Variants in AKAP13 observed in about 807,000 individuals in gnomAD.
AKAP13 encodes the protein A-kinase anchor protein 13.
In AKAP13, 80 loss-of-function variants were observed where a neutral mutation model predicts 264.5. The observed-to-expected ratio is 0.30, with a 90% CI of 0.25 to 0.36. AKAP13 has a LOEUF of 0.36. AKAP13 is among the 10% of genes least tolerant of loss of function. The pLI, the probability that AKAP13 is intolerant of heterozygous loss-of-function variation, is 1.00. For synonymous variants in AKAP13, 1,380 were observed against 1,250.2 expected, an observed-to-expected ratio of 1.10 and a Z score of -2.19; for missense variants, 3,712 against 3,435.2, an observed-to-expected ratio of 1.08 and a Z score of -2.01.
chr15:85,472,506 A>G (rs552416126), intron 1 of AKAP13, among the ~76,000 whole-genome samples: 4 of 152,162 alleles, frequency 2.6e-5, no homozygotes, highest in Admixed American at 6.5e-5. Flanking sequence ...TCTTTTTGAC[A>G]TTTTAAAAAA....
intron 1 of AKAP13, among the ~76,000 whole-genome samples, chr15:85,443,072 A>G (rs2073767303): frequency 6.6e-6 from 1 of 152,174 alleles, no homozygotes; most frequent in Non-Finnish European, 1.5e-5. Flanking sequence ...CTTAAGTATC[A>G]TTCAGTTAAA....
chr15:85,426,730 G>T (rs1224214905), intron 1 of AKAP13, among the ~76,000 whole-genome samples: 2 of 152,166 alleles, frequency 1.3e-5, no homozygotes, highest in Non-Finnish European at 2.9e-5. Context: ...AGTACAGAGA[G>T]ATTCTAGCCA....
intron 8 of AKAP13, among the ~76,000 whole-genome samples, chr15:85,586,457 G>C (rs2079354104): frequency 6.6e-6 from 1 of 152,058 alleles, no homozygotes; most frequent in African/African-American, 2.4e-5. Flanking sequence ...ACCTGCCTCA[G>C]CCTCCCAAAG....
At chr15:85,442,421 AAAAT>A (rs1191752683) in intron 1 of AKAP13, among the ~76,000 whole-genome samples, 16 of 114,768 alleles carry the variant, frequency 1.4e-4, no homozygotes, top group African/African-American at 5.0e-4. Context: ...AAAAAAAAAA[AAAAT>A]ATATATATAT....
rs1298413767 is a variant in AKAP13, at chr15:85,533,442, G to C, written c.182-142G>C. 13 of 691,050 alleles carry C rather than the reference G, an allele frequency of 1.9e-5. No individual in the cohort carries two copies. In the Admixed American group the frequency reaches 4.8e-4, roughly 26 times the overall value. The allele number at this position is 691,050 out of a possible 1,614,324, so 42.8% of individuals were successfully genotyped here. On this transcript the variant is annotated intron_variant, in intron 3 of 36. Coordinates refer to ENST00000394518, the MANE Select transcript of AKAP13 (RefSeq NM_007200.5). ...GTTTTAAGAAGTTTGGAAAAATGCT[G>C]TCAGAGCTCAAGAGGAAGGAGGGGG... is the stretch of plus-strand genomic sequence containing the variant.
intron 2 of AKAP13, among the ~76,000 whole-genome samples, chr15:85,502,085 G>C (rs867413317): frequency 1.3e-5 from 2 of 152,154 alleles, no homozygotes; most frequent in East Asian, 3.8e-4. Flanking sequence ...CCACACCCCA[G>C]AGTTTCTGAT....
chr15:85,646,272 C>A (rs144079958), intron 10 of AKAP13, among the ~76,000 whole-genome samples: 1 of 152,034 alleles, frequency 6.6e-6, no homozygotes, highest in Non-Finnish European at 1.5e-5. Flanking sequence ...GTCAGGAGTT[C>A]GAGACCAGCC....
intron 1 of AKAP13, among the ~76,000 whole-genome samples, chr15:85,470,547 C>T (rs1369519766): frequency 2.0e-5 from 3 of 152,132 alleles, no homozygotes; most frequent in Non-Finnish European, 4.4e-5. Flanking sequence ...AGAGAGATTA[C>T]GTGGTTTGTA....
intron 16 of AKAP13, chr15:85,690,130 C>T (rs984663216): frequency 1.3e-5 from 2 of 152,330 alleles, no homozygotes; most frequent in Admixed American, 6.5e-5. Flanking sequence ...CTTTAAAGCA[C>T]TAAATTCTAG....
intron 14 of AKAP13, among the ~76,000 whole-genome samples, chr15:85,671,921 C>T (rs1371179580): frequency 6.6e-6 from 1 of 152,188 alleles, no homozygotes; most frequent in African/African-American, 2.4e-5. Context: ...TATTTTGTGA[C>T]ATGCTTTCTT....
chr15:85,504,532 A>AAAAG (rs2076143870), intron 2 of AKAP13, among the ~76,000 whole-genome samples: 2 of 124,492 alleles, frequency 1.6e-5, no homozygotes, highest in African/African-American at 3.2e-5. Flanking sequence ...AAAAAAAAAA[A>AAAAG]AAAGAAAAAA....
intron 1 of AKAP13, among the ~76,000 whole-genome samples, chr15:85,386,386 C>T (rs1208172359): frequency 4.0e-5 from 6 of 150,358 alleles, no homozygotes; most frequent in African/African-American, 9.8e-5. Context: ...CTCCGCCTCC[C>T]GGGTTCAAGT....
chr15:85,726,295 C>G, intron 26 of AKAP13, 115 bp from the exon 27 acceptor site: 1 of 675,630 alleles, frequency 1.5e-6, no homozygotes, highest in Non-Finnish European at 2.5e-6. Context: ...TCATAGTTTG[C>G]CCGTATAGGG....
chr15:85,626,016 T>C (rs965147929), intron 8 of AKAP13, among the ~76,000 whole-genome samples: 1 of 152,234 alleles, frequency 6.6e-6, no homozygotes. Flanking sequence ...TATGATACGC[T>C]TGGTGGTATT....
intron 5 of AKAP13, among the ~76,000 whole-genome samples, chr15:85,563,215 G>A (rs538847128): frequency 2.6e-5 from 4 of 151,928 alleles, no homozygotes; most frequent in African/African-American, 4.8e-5. Context: ...TTTTTTCCTC[G>A]TAGGAAAAGG....
At chr15:85,526,631 T>C (rs1046474558) in intron 3 of AKAP13, among the ~76,000 whole-genome samples, 1 of 152,202 alleles carries the variant, frequency 6.6e-6, no homozygotes, top group African/African-American at 2.4e-5. Flanking sequence ...TATTACCAAA[T>C]GGAATAGCAT....
At chr15:85,543,209 AT>A (rs2077627423) in intron 4 of AKAP13, among the ~76,000 whole-genome samples, 1 of 152,244 alleles carries the variant, frequency 6.6e-6, no homozygotes, top group South Asian at 2.1e-4. Context: ...AGTGCCAGAA[AT>A]TTGATTTGCC....
At chr15:85,487,492 C>G (rs1403590233) in intron 2 of AKAP13, among the ~76,000 whole-genome samples, 1 of 152,170 alleles carries the variant, frequency 6.6e-6, no homozygotes, top group Admixed American at 6.5e-5. Flanking sequence ...GTCAGGTGAT[C>G]TTTCTGTGTT....
At chr15:85,486,691 T>C (rs760490103) in intron 2 of AKAP13, among the ~76,000 whole-genome samples, 9 of 152,094 alleles carry the variant, frequency 5.9e-5, no homozygotes, top group Non-Finnish European at 1.2e-4. Flanking sequence ...CTTATGGTTT[T>C]ATTCATTTTG....
Sources: gnomAD v4.1 joint callset for allele counts (sites outside exome capture counted in the v4.1 genomes callset) on GRCh38, gnomAD v4.1.1 for gene constraint, MANE v1.5 for transcripts, NCBI Gene and HGNC (gene_info 2026-07-23, HGNC 2026-07-21) for gene names.